The following MINDY4 variants were observed in gnomAD, a reference collection of about 807,000 sequenced individuals.
MINDY4 encodes the protein probable ubiquitin carboxyl-terminal hydrolase MINDY-4.
In MINDY4, 68 loss-of-function variants were observed where a neutral mutation model predicts 87.0. The ratio of observed to expected loss-of-function variants is 0.78; its 90% CI spans 0.64 to 0.96. The LOEUF is 0.96. Among genes scored for constraint, MINDY4 ranks in the 40% least tolerant of loss-of-function variants. The pLI is 0.00. For synonymous variants in MINDY4, 379 were observed against 363.2 expected (o/e 1.04, Z -0.50); for missense variants, 919 against 928.2 (o/e 0.99, Z 0.13).
intron 6 of MINDY4, among the ~76,000 whole-genome samples, chr7:30,829,705 G>A (rs1161232289): frequency 1.3e-5 from 2 of 152,182 alleles, no homozygotes; most frequent in Non-Finnish European, 2.9e-5. Flanking sequence ...TCCCCAGATG[G>A]GGTAGATGTC....
At chr7:30,831,389 A>C (rs1258917304) in intron 6 of MINDY4, among the ~76,000 whole-genome samples, 1 of 152,076 alleles carries the variant, frequency 6.6e-6, no homozygotes. Context: ...GTCATCTCTT[A>C]CCTCTGTCCC....
chr7:30,815,203 A>G (rs1179051627), intron 5 of MINDY4, among the ~76,000 whole-genome samples: 2 of 152,240 alleles, frequency 1.3e-5, no homozygotes, highest in Non-Finnish European at 2.9e-5. Flanking sequence ...CCACTCCTTC[A>G]GGCAGCCTGT....
At chr7:30,801,729 A>T (rs1787656685) in intron 5 of MINDY4, among the ~76,000 whole-genome samples, 1 of 152,194 alleles carries the variant, frequency 6.6e-6, no homozygotes, top group South Asian at 2.1e-4. Context: ...ACCCCAAGGT[A>T]CCTTCAGTTC....
At chr7:30,841,949 A>G (rs188870980) in intron 9 of MINDY4, among the ~76,000 whole-genome samples, 128 of 152,344 alleles carry the variant, frequency 8.4e-4, no homozygotes, top group Middle Eastern at 6.8e-3. Context: ...TTACCCAGAC[A>G]ACAAGACCCA....
chr7:30,841,069 T>C (rs1168502886), intron 9 of MINDY4, among the ~76,000 whole-genome samples: 1 of 152,062 alleles, frequency 6.6e-6, no homozygotes, highest in Non-Finnish European at 1.5e-5. Flanking sequence ...TTCTCAGTGG[T>C]GCTCCACCTG....
At chr7:30,786,127 C>G in intron 4 of MINDY4, 135 bp downstream of exon 4, 2 of 1,211,254 alleles carry the variant, frequency 1.7e-6, no homozygotes, top group Non-Finnish European at 2.3e-6. Context: ...GTGGGAAGAA[C>G]AGTGCCTCTG....
intron 3 of MINDY4, 81 bp from the exon 4 acceptor site, chr7:30,785,668 A>G (rs906560686): frequency 1.3e-6 from 2 of 1,511,538 alleles, no homozygotes; most frequent in African/African-American, 1.4e-5. Context: ...CTTTGAATGC[A>G]CATTGAATGT....
intron 5 of MINDY4, among the ~76,000 whole-genome samples, chr7:30,792,563 C>A (rs535181358): frequency 1.3e-5 from 2 of 152,234 alleles, no homozygotes; most frequent in South Asian, 2.1e-4. Flanking sequence ...TTTCAACTTT[C>A]TTCTTGTGTA....
At chr7:30,815,608 G>T (rs141284567) in intron 5 of MINDY4, among the ~76,000 whole-genome samples, 1 of 152,222 alleles carries the variant, frequency 6.6e-6, no homozygotes, top group African/African-American at 2.4e-5. Flanking sequence ...GCATACCCCA[G>T]GCCAGAGTGG....
At chr7:30,884,011 G>A (rs187915532) in intron 17 of MINDY4, among the ~76,000 whole-genome samples, 2 of 152,244 alleles carry the variant, frequency 1.3e-5, no homozygotes, top group South Asian at 2.1e-4. Flanking sequence ...TTGTGCTCAC[G>A]ATGATGACCT....
At chr7:30,832,765 C>A (rs527603157) in intron 6 of MINDY4, among the ~76,000 whole-genome samples, 28 of 152,328 alleles carry the variant, frequency 1.8e-4, no homozygotes, top group African/African-American at 6.5e-4. Flanking sequence ...ACCTTGGCCT[C>A]CCAAAGTGTT....
At chr7:30,789,174 C>G (rs767413042) in intron 4 of MINDY4, among the ~76,000 whole-genome samples, 88 of 36,618 alleles carry the variant, frequency 2.4e-3, no homozygotes, top group Non-Finnish European at 4.4e-3. Flanking sequence ...GACCGGTGAA[C>G]CAGAGAGGAG....
rs182243205 is a variant in MINDY4, at chr7:30,816,091, A to G, written c.1074-12588A>G. The stretch of plus-strand genomic sequence containing the variant: ...CTAGATGGTCTGGATTAGCCTTTTC[A>G]GCCCTTCCAGCTGGATGAGCTGTAT... On this transcript the variant is annotated intron_variant, in intron 5 of 17. Coordinates refer to ENST00000265299, the MANE Select transcript of MINDY4 (RefSeq NM_032222.3). 1.8e-3 allele frequency among the ~76,000 whole-genome samples: 278 copies of G among 152,070 alleles called. 3 individuals carry two copies. Among genetic ancestry groups the G allele is most frequent in the East Asian group, 0.015 (79 of 5,168 alleles).
chr7:30,839,689 A>G (rs140716551), intron 8 of MINDY4, among the ~76,000 whole-genome samples: 1 of 152,266 alleles, frequency 6.6e-6, no homozygotes, highest in East Asian at 1.9e-4. Flanking sequence ...TTTTGCAGAT[A>G]GAGCTGGAGA....
chr7:30,847,723 GTTGT>G (rs1020131370), intron 9 of MINDY4, among the ~76,000 whole-genome samples: 2 of 150,544 alleles, frequency 1.3e-5, no homozygotes, highest in African/African-American at 2.4e-5. Flanking sequence ...TGTGTTTTTT[GTTGT>G]TTGTTCGTTT....
At chr7:30,822,564 A>AT (rs1329773495) in intron 5 of MINDY4, among the ~76,000 whole-genome samples, 2 of 151,376 alleles carry the variant, frequency 1.3e-5, no homozygotes, top group African/African-American at 2.4e-5. Context: ...TTTAGGCTTT[A>AT]TTTTTTTTCA....
At chr7:30,848,760 ATTTTC>A (rs944403317) in intron 9 of MINDY4, among the ~76,000 whole-genome samples, 13 of 152,014 alleles carry the variant, frequency 8.6e-5, no homozygotes, top group African/African-American at 3.1e-4. Flanking sequence ...TAGCTGTTTT[ATTTTC>A]TTAAGTGCTT....
intron 12 of MINDY4, among the ~76,000 whole-genome samples, chr7:30,857,151 GCC>G (rs1391553068): frequency 6.6e-6 from 1 of 152,150 alleles, no homozygotes; most frequent in Non-Finnish European, 1.5e-5. Context: ...GCTCTGCTGT[GCC>G]CCCGCATAGT....
rs548671011 is a variant in MINDY4 at position 30,867,280 on chromosome 7, G to A, written c.1746-4963G>A. On this transcript the variant is annotated intron_variant, in intron 13 of 17. Coordinates refer to ENST00000265299, the MANE Select transcript of MINDY4 (RefSeq NM_032222.3). ...CACAGCTCCATTTCAACTGCTCGGA[G>A]GTCTCGGTTTAATCTGGGTTCTTGG... Among the ~76,000 whole-genome samples the A allele has an allele frequency of 2.6e-5, 4 of 152,322 alleles. No homozygotes were observed. In the South Asian group the frequency reaches 6.2e-4, roughly 24 times the overall value.
Sources: allele counts gnomAD v4.1 joint callset (sites outside exome capture counted in the v4.1 genomes callset), GRCh38; gene constraint gnomAD v4.1.1; transcripts MANE v1.5; gene names NCBI Gene and HGNC (gene_info 2026-07-23, HGNC 2026-07-21).